HDAC9: variants seen among roughly 807,000 people sequenced by gnomAD.
HDAC9 encodes histone deacetylase 9.
In HDAC9, 41 loss-of-function variants were observed where a neutral mutation model predicts 139.4. That is an observed-to-expected ratio of 0.29 (90% CI 0.23 to 0.38). HDAC9 has a LOEUF of 0.38. Among genes scored for constraint, HDAC9 ranks in the 10% least tolerant of loss-of-function variants. The pLI is 1.00. For missense variants in HDAC9, 1,147 were observed against 1,297.0 expected (o/e 0.88, Z 1.78); for synonymous variants, 517 against 476.2 (o/e 1.09, Z -1.12).
intron 22 of HDAC9, among the ~76,000 whole-genome samples, chr7:18,894,106 A>G (rs1006916396): frequency 1.3e-5 from 2 of 152,164 alleles, no homozygotes; most frequent in Admixed American, 1.3e-4. Context: ...GGAATGGAGT[A>G]AAGGATGACT....
intron 1 of HDAC9, among the ~76,000 whole-genome samples, chr7:18,308,782 G>T (rs575347082): frequency 1.3e-5 from 2 of 152,196 alleles, no homozygotes; most frequent in Non-Finnish European, 2.9e-5. Context: ...TCTTATTCTT[G>T]CTGTTCTCTA....
intron 1 of HDAC9, among the ~76,000 whole-genome samples, chr7:18,358,887 T>A (rs977546461): frequency 2.6e-5 from 4 of 152,142 alleles, no homozygotes; most frequent in Admixed American, 6.5e-5. Flanking sequence ...TGTGAAAAAA[T>A]TTATGCAAAG....
rs187894170 is a variant in HDAC9 at position 18,655,527 on chromosome 7, G to T, written c.1467+6844G>T. On this transcript the variant is annotated intron_variant, in intron 11 of 25. Transcript: ENST00000686413. ...GAATACCAGCTTATATCATCACAAG[G>T]AATTCATATAGATGTATTTCACTAT... 2.0e-4 allele frequency among the ~76,000 whole-genome samples: 30 copies of T among 152,186 alleles called. No individual in the cohort carries two copies. In the East Asian group the frequency reaches 5.8e-3, roughly 29 times the overall value.
intron 12 of HDAC9, among the ~76,000 whole-genome samples, chr7:18,688,409 AAAGATG>A (rs1441285719): frequency 1.3e-5 from 2 of 151,874 alleles, no homozygotes; most frequent in Admixed American, 1.3e-4. Context: ...CAAATTTACA[AAAGATG>A]ATTTGCTTTA....
intron 13 of HDAC9, among the ~76,000 whole-genome samples, chr7:18,744,356 C>T (rs1787746492): frequency 1.3e-5 from 2 of 152,104 alleles, no homozygotes; most frequent in African/African-American, 4.8e-5. Flanking sequence ...ACATAGTGAG[C>T]ATTCAATAAC....
At chr7:18,363,130 C>T (rs1037334782) in intron 1 of HDAC9, among the ~76,000 whole-genome samples, 47 of 152,016 alleles carry the variant, frequency 3.1e-4, no homozygotes, top group African/African-American at 7.7e-4. Context: ...ATAATTAATT[C>T]GGTTTATCTT....
intron 8 of HDAC9, among the ~76,000 whole-genome samples, chr7:18,639,793 C>A (rs946737414): frequency 2.6e-5 from 4 of 151,942 alleles, no homozygotes. Context: ...AGGATGTCTT[C>A]CTGTATGCCA....
intron 21 of HDAC9, 21 bp from the exon 22 acceptor site, chr7:18,874,457 G>C: frequency 6.7e-7 from 1 of 1,495,510 alleles, no homozygotes; most frequent in South Asian, 1.2e-5. Flanking sequence ...ACGTGTGACC[G>C]GTTGCATTTT....
chr7:18,976,088 T>C, intron 25 of HDAC9, 135 bp downstream of exon 25: 1 of 795,200 alleles, frequency 1.3e-6, no homozygotes, highest in Non-Finnish European at 2.0e-6. Flanking sequence ...AAGCCACAGA[T>C]GCCACAGCAC....
chr7:18,103,512 C>T (rs1298271112), intron 1 of HDAC9, among the ~76,000 whole-genome samples: 2 of 152,016 alleles, frequency 1.3e-5, no homozygotes, highest in Admixed American at 1.3e-4. Context: ...TTTTGGAGTC[C>T]CCGGTGCCTA....
At chr7:18,742,580 A>C (rs976112233) in intron 13 of HDAC9, among the ~76,000 whole-genome samples, 9 of 152,150 alleles carry the variant, frequency 5.9e-5, no homozygotes, top group African/African-American at 2.2e-4. Context: ...TCTAACCAGC[A>C]ATATGTCCCA....
At chr7:18,236,490 G>T (rs1425234878) in intron 2 of HDAC9, among the ~76,000 whole-genome samples, 5 of 152,200 alleles carry the variant, frequency 3.3e-5, no homozygotes, top group Non-Finnish European at 4.4e-5. Flanking sequence ...CAATTAAGTT[G>T]TCTGCTGTTA....
At chr7:18,303,373 ATTT>A in intron 1 of HDAC9, among the ~76,000 whole-genome samples, 2 of 95,356 alleles carry the variant, frequency 2.1e-5, no homozygotes, top group African/African-American at 3.4e-5. Context: ...CGCCCAGCCA[ATTT>A]GTGTGTGTGT....
chr7:18,134,140 G>A (rs1165394110), intron 1 of HDAC9, among the ~76,000 whole-genome samples: 1 of 151,922 alleles, frequency 6.6e-6, no homozygotes, highest in African/African-American at 2.4e-5. Flanking sequence ...TGGCTCCTTG[G>A]CACCATAGTG....
At chr7:18,866,261 CCT>C (rs1374300329) in intron 21 of HDAC9, among the ~76,000 whole-genome samples, 2 of 151,768 alleles carry the variant, frequency 1.3e-5, no homozygotes, top group Admixed American at 6.6e-5. Context: ...TCTAGGTACC[CCT>C]GTCTCAACGT....
intron 25 of HDAC9, among the ~76,000 whole-genome samples, chr7:18,991,933 C>G (rs1786010931): frequency 6.6e-6 from 1 of 152,132 alleles, no homozygotes; most frequent in Non-Finnish European, 1.5e-5. Flanking sequence ...GTTCCTAGTG[C>G]CTAGAACAGA....
At chr7:18,862,428 C>T (rs919344008) in intron 21 of HDAC9, among the ~76,000 whole-genome samples, 2 of 152,096 alleles carry the variant, frequency 1.3e-5, no homozygotes, top group African/African-American at 4.8e-5. Context: ...CTAAGGTTAC[C>T]CAAGTGGAGG....
intron 2 of HDAC9, among the ~76,000 whole-genome samples, chr7:18,258,277 G>A (rs532067849): frequency 9.2e-5 from 14 of 152,288 alleles, no homozygotes; most frequent in African/African-American, 3.4e-4. Context: ...GAAGCACTGG[G>A]TTAAATGAGA....
intron 2 of HDAC9, among the ~76,000 whole-genome samples, chr7:18,256,893 GA>G (rs1795281376): frequency 6.6e-6 from 1 of 151,912 alleles, no homozygotes; most frequent in Non-Finnish European, 1.5e-5. Flanking sequence ...TTTGAGACCA[GA>G]CTGGGCAACA....
Sources: allele counts gnomAD v4.1 joint callset (sites outside exome capture counted in the v4.1 genomes callset), GRCh38; gene constraint gnomAD v4.1.1; transcripts MANE v1.5; gene names NCBI Gene and HGNC (gene_info 2026-07-23, HGNC 2026-07-21).